Variants in CDH8 observed in about 807,000 individuals in gnomAD.
CDH8 encodes the protein cadherin-8.
In CDH8, 17 loss-of-function variants were observed where a neutral mutation model predicts 68.1. The ratio of observed to expected loss-of-function variants is 0.25; its 90% CI spans 0.17 to 0.37. The LOEUF is 0.37. Ranked by LOEUF, CDH8 falls within the 10% of genes least tolerant of loss-of-function variation. CDH8 has a pLI of 1.00. For missense variants in CDH8, 763 were observed against 999.3 expected (o/e 0.76, Z 3.19); for synonymous variants, 372 against 365.1 (o/e 1.02, Z -0.21).
At chr16:61,719,594 T>C (rs1375422793) in intron 9 of CDH8, among the ~76,000 whole-genome samples, 8 of 151,140 alleles carry the variant, frequency 5.3e-5, no homozygotes, top group Non-Finnish European at 8.9e-5. Context: ...TTTTCATTAG[T>C]AGGATAAAAT....
chr16:61,813,661 T>G (rs1389704238), intron 7 of CDH8, among the ~76,000 whole-genome samples: 1 of 152,132 alleles, frequency 6.6e-6, no homozygotes, highest in Non-Finnish European at 1.5e-5. Context: ...AGCATGACTC[T>G]TATCTTGCTT....
At chr16:61,668,304 T>C (rs1036195144) in intron 10 of CDH8, among the ~76,000 whole-genome samples, 6 of 151,930 alleles carry the variant, frequency 3.9e-5, no homozygotes, top group Non-Finnish European at 8.8e-5. Context: ...TCAATCACAG[T>C]GCCCAAGGTC....
intron 3 of CDH8, among the ~76,000 whole-genome samples, chr16:61,900,547 T>C (rs571836176): frequency 6.6e-6 from 1 of 152,290 alleles, no homozygotes; most frequent in South Asian, 2.1e-4. Flanking sequence ...GAAACAAGAA[T>C]AAAATCATGT....
chr16:61,866,284 T>C (rs2143021556), intron 3 of CDH8, among the ~76,000 whole-genome samples: 1 of 151,934 alleles, frequency 6.6e-6, no homozygotes, highest in East Asian at 1.9e-4. Context: ...ATCTATTCAA[T>C]CACACAATGG....
At chr16:61,718,504 G>T (rs1959194934) in intron 9 of CDH8, among the ~76,000 whole-genome samples, 2 of 151,294 alleles carry the variant, frequency 1.3e-5, no homozygotes, top group Admixed American at 1.3e-4. Flanking sequence ...GAATTGTAAG[G>T]TGATAGAAAG....
intron 8 of CDH8, among the ~76,000 whole-genome samples, chr16:61,751,382 TAAAAAAAAA>T (rs71134375): frequency 3.9e-4 from 21 of 54,154 alleles, no homozygotes; most frequent in South Asian, 2.1e-3. Flanking sequence ...ATATTCTCCT[TAAAAAAAAA>T]AAAAAAAAAA....
intron 10 of CDH8, among the ~76,000 whole-genome samples, chr16:61,665,339 A>G (rs1032277368): frequency 2.3e-4 from 35 of 152,042 alleles, no homozygotes; most frequent in African/African-American, 8.2e-4. Context: ...TCCATGGAAT[A>G]CTATGCAGCC....
intron 2 of CDH8, among the ~76,000 whole-genome samples, chr16:61,979,926 C>T (rs570288363): frequency 1.3e-5 from 2 of 152,158 alleles, no homozygotes; most frequent in Admixed American, 6.5e-5. Context: ...CATGGAGAAG[C>T]GTGCTTTCAT....
rs146304071 is a variant in CDH8, at chr16:61,690,835, C to T, written c.1654+23006G>A. Among the ~76,000 whole-genome samples the T allele has an allele frequency of 5.5e-3, 830 of 152,096 alleles. 5 individuals are homozygous for T. Among genetic ancestry groups the T allele is most frequent in the Non-Finnish European group, 8.5e-3 (577 of 67,954 alleles). On this transcript the variant is annotated intron_variant, in intron 10 of 11. Transcript: ENST00000577390. ...AGTATAGTTAATCATACGTGGGTGA[C>T]TCCTCCCTCAAGGCTGATTGCAGTC... is the stretch of plus-strand genomic sequence containing the variant.
chr16:61,758,634 T>C (rs1960382473), intron 8 of CDH8, among the ~76,000 whole-genome samples: 1 of 152,118 alleles, frequency 6.6e-6, no homozygotes, highest in Non-Finnish European at 1.5e-5. Context: ...GGTTTCTCCA[T>C]GTTGGCCAGG....
At chr16:62,000,480 G>A (rs766734716) in intron 2 of CDH8, among the ~76,000 whole-genome samples, 62 of 152,264 alleles carry the variant, frequency 4.1e-4, no homozygotes, top group Non-Finnish European at 6.2e-4. Flanking sequence ...CATCTTTTCT[G>A]AGTAGACTGG....
chr16:61,788,395 G>C (rs1192564768), intron 8 of CDH8, among the ~76,000 whole-genome samples: 1 of 151,720 alleles, frequency 6.6e-6, no homozygotes, highest in Non-Finnish European at 1.5e-5. Flanking sequence ...TCTTAACATT[G>C]ATTTTTATTT....
At chr16:61,931,055 C>T (rs1964532450) in intron 2 of CDH8, among the ~76,000 whole-genome samples, 1 of 152,206 alleles carries the variant, frequency 6.6e-6, no homozygotes, top group Non-Finnish European at 1.5e-5. Context: ...CTTACTGCAG[C>T]ATTTTCTGTG....
chr16:61,983,736 AG>A (rs949329022), intron 2 of CDH8, among the ~76,000 whole-genome samples: 2 of 152,166 alleles, frequency 1.3e-5, no homozygotes, highest in African/African-American at 4.8e-5. Flanking sequence ...CTTAAACAAT[AG>A]ATATTTATTT....
At chr16:61,670,055 T>C (rs999302370) in intron 10 of CDH8, among the ~76,000 whole-genome samples, 2 of 152,098 alleles carry the variant, frequency 1.3e-5, no homozygotes, top group African/African-American at 4.8e-5. Context: ...ACTAATGATA[T>C]TGATTGCCTA....
At chr16:61,723,019 A>C (rs4340324) in intron 9 of CDH8, among the ~76,000 whole-genome samples, 1 of 150,320 alleles carries the variant, frequency 6.7e-6, no homozygotes, top group South Asian at 2.1e-4. Context: ...AAACTGCCTG[A>C]CACCTCTCAA....
intron 2 of CDH8, among the ~76,000 whole-genome samples, chr16:61,908,030 G>GC (rs1487105671): frequency 7.6e-6 from 1 of 131,172 alleles, no homozygotes; most frequent in Admixed American, 7.9e-5. Flanking sequence ...GCGACAGAGT[G>GC]AGACTCAGTC....
intron 8 of CDH8, among the ~76,000 whole-genome samples, chr16:61,769,308 A>G (rs1960718308): frequency 6.6e-6 from 1 of 151,876 alleles, no homozygotes; most frequent in Admixed American, 6.6e-5. Flanking sequence ...ATATGTTTCA[A>G]TTACTCACTT....
intron 4 of CDH8, among the ~76,000 whole-genome samples, chr16:61,833,925 A>G (rs1323031670): frequency 6.6e-6 from 1 of 151,698 alleles, no homozygotes; most frequent in Non-Finnish European, 1.5e-5. Context: ...GTTTCTTTCC[A>G]TTTCACCACC....
Sources: gnomAD v4.1 joint callset for allele counts (sites outside exome capture counted in the v4.1 genomes callset) on GRCh38, gnomAD v4.1.1 for gene constraint, MANE v1.5 for transcripts, NCBI Gene and HGNC (gene_info 2026-07-23, HGNC 2026-07-21) for gene names.